PDE1A: variants seen among roughly 807,000 people sequenced by gnomAD.
The protein encoded by PDE1A is phosphodiesterase 1A, also known as dual specificity calcium/calmodulin-dependent 3',5'-cyclic nucleotide phosphodiesterase 1A.
In PDE1A, 35 loss-of-function variants were observed where a neutral mutation model predicts 61.7. The ratio of observed to expected loss-of-function variants is 0.57; its 90% CI spans 0.43 to 0.75. PDE1A has a LOEUF of 0.75. PDE1A is among the 30% of genes least tolerant of loss of function. The pLI, the probability that PDE1A is intolerant of heterozygous loss-of-function variation, is 0.00. For synonymous variants in PDE1A, 232 were observed against 213.2 expected, an observed-to-expected ratio of 1.09 and a Z score of -0.77; for missense variants, 597 against 630.6, an observed-to-expected ratio of 0.95 and a Z score of 0.57.
chr2:182,536,604 A>G, the PDE1A span, among the ~76,000 whole-genome samples: 1 of 152,218 alleles, frequency 6.6e-6, no homozygotes, highest in Non-Finnish European at 1.5e-5. Flanking sequence ...CACTGGAGAA[A>G]GAAAAAGGAA....
the PDE1A span, among the ~76,000 whole-genome samples, chr2:182,543,062 A>G: frequency 1.3e-5 from 2 of 152,134 alleles, no homozygotes; most frequent in Admixed American, 6.5e-5. Context: ...CAGCTGCTCT[A>G]TTTCCCTGAA....
the PDE1A span, among the ~76,000 whole-genome samples, chr2:182,612,009 T>C: frequency 2.6e-5 from 4 of 152,198 alleles, no homozygotes; most frequent in East Asian, 7.7e-4. Flanking sequence ...CTCCATTTTT[T>C]CCAGGTGCCC....
chr2:182,483,296 T>C (rs1018398559), intron 2 of PDE1A, among the ~76,000 whole-genome samples: 1 of 151,852 alleles, frequency 6.6e-6, no homozygotes, highest in African/African-American at 2.4e-5. Context: ...AATAAAGGGG[T>C]ATAGAAGACT....
At chr2:182,198,248 A>G (rs1181249623) in intron 10 of PDE1A, among the ~76,000 whole-genome samples, 1 of 151,950 alleles carries the variant, frequency 6.6e-6, no homozygotes, top group African/African-American at 2.4e-5. Context: ...AAACTCATTT[A>G]TTAATTCTAG....
exon 3 of PDE1A, chr2:182,240,219 A>G (rs1421837885): frequency 6.2e-7 from 1 of 1,613,836 alleles, no homozygotes. Flanking sequence ...GTAGAAGCCA[A>G]CCAGTCCCGG....
chr2:182,515,940 GTGTGTGTGTGTTTC>G, intron 2 of PDE1A, among the ~76,000 whole-genome samples: 2 of 119,710 alleles, frequency 1.7e-5, no homozygotes, highest in Middle Eastern at 8.5e-3. Context: ...GGGATTGTGC[GTGTGTGTGTGTTTC>G]TGTGTGTGTG....
chr2:182,627,044 T>A, the PDE1A span, among the ~76,000 whole-genome samples: 1 of 4,216 alleles, frequency 2.4e-4, no homozygotes, highest in Non-Finnish European at 4.1e-4. Flanking sequence ...ATATATATTA[T>A]TTATATATAA....
chr2:182,418,041 A>G (rs1339869693), intron 1 of PDE1A, among the ~76,000 whole-genome samples: 1 of 152,212 alleles, frequency 6.6e-6, no homozygotes, highest in African/African-American at 2.4e-5. Flanking sequence ...AAAAATTTTA[A>G]GATAATAAAT....
chr2:182,649,770 C>T, the PDE1A span, among the ~76,000 whole-genome samples: 19 of 152,116 alleles, frequency 1.2e-4, no homozygotes, highest in Admixed American at 2.6e-4. Flanking sequence ...CCACCACGTC[C>T]GGCTAATTTT....
chr2:182,556,545 T>C, the PDE1A span, among the ~76,000 whole-genome samples: 1 of 152,200 alleles, frequency 6.6e-6, no homozygotes, highest in Admixed American at 6.5e-5. Context: ...ACAAGGAAGC[T>C]AACCCTCCTG....
At chr2:182,327,405 A>G (rs1454453900) in intron 1 of PDE1A, among the ~76,000 whole-genome samples, 1 of 152,238 alleles carries the variant, frequency 6.6e-6, no homozygotes, top group African/African-American at 2.4e-5. Flanking sequence ...AAATCCCTCA[A>G]ATAGGAATAT....
the PDE1A span, among the ~76,000 whole-genome samples, chr2:182,565,976 G>C: frequency 6.6e-6 from 1 of 152,158 alleles, no homozygotes; most frequent in Non-Finnish European, 1.5e-5. Flanking sequence ...GAGTGACTTG[G>C]ATCAGACATG....
At chr2:182,342,332 G>A (rs1363373595) in intron 1 of PDE1A, among the ~76,000 whole-genome samples, 1 of 152,024 alleles carries the variant, frequency 6.6e-6, no homozygotes, top group Non-Finnish European at 1.5e-5. Flanking sequence ...AGGTAAGCAC[G>A]TGTCATGAAG....
At chr2:182,563,034 G>T in the PDE1A span, among the ~76,000 whole-genome samples, 1 of 152,090 alleles carries the variant, frequency 6.6e-6, no homozygotes, top group African/African-American at 2.4e-5. Context: ...TTTTTGAAGG[G>T]TTTTTTGTGT....
chr2:182,387,934 A>G lies in PDE1A; in HGVS notation c.53+38644T>C, dbSNP rs563041468. Among the ~76,000 whole-genome samples the G allele has an allele frequency of 2.0e-5, 3 of 152,310 alleles. No individual in the cohort carries two copies. In the South Asian group the frequency reaches 6.2e-4, roughly 32 times the overall value. On this transcript the variant is annotated intron_variant, in intron 1 of 13. Transcript: ENST00000351439. ...AAAAAGACCCAAGTATATGCTGCCT[A>G]CCGCATACTTCAACTGTAAGGAAAC... is the stretch of plus-strand genomic sequence containing the variant.
At chr2:182,324,135 AT>A (rs1261155788) in intron 1 of PDE1A, among the ~76,000 whole-genome samples, 2 of 152,150 alleles carry the variant, frequency 1.3e-5, no homozygotes, top group African/African-American at 4.8e-5. Flanking sequence ...TATATGCTTC[AT>A]TTCATTTGAA....
In PDE1A at chr2:182,516,701, G is replaced by GAA. The variant is rs1206551722; in HGVS notation, c.101+5574_101+5575insTT. ...GGAGGGAAGGAGGGAAGGGAGGAAG[G>GAA]GAGGAAGGAAGGAAGGAAGGAAGGA... On this transcript the variant is annotated intron_variant, in intron 2 of 14. Coordinates refer to the PDE1A transcript ENST00000410103. 6.6e-4 allele frequency among the ~76,000 whole-genome samples: 67 copies of GAA among 101,118 alleles called. 1 individual carries two copies. The South Asian group carries it at 0.013, about 19-fold the overall frequency. The allele number at this position is 101,118 out of a possible 152,430, so 66.3% of individuals were successfully genotyped here.
At chr2:182,648,536 T>TAAAAAAAAAAAAAAAAAAAAAAA in the PDE1A span, among the ~76,000 whole-genome samples, 22 of 92,204 alleles carry the variant, frequency 2.4e-4, no homozygotes, top group African/African-American at 3.4e-4. Context: ...AAAAAAAAAT[T>TAAAAAAAAAAAAAAAAAAAAAAA]AAAAAAATTA....
At chr2:182,694,162 T>G in the PDE1A span, among the ~76,000 whole-genome samples, 2 of 152,216 alleles carry the variant, frequency 1.3e-5, no homozygotes, top group Non-Finnish European at 2.9e-5. Context: ...GTATGTGGTG[T>G]GAATAGAGAC....
Sources: gnomAD v4.1 joint callset for allele counts (sites outside exome capture counted in the v4.1 genomes callset) on GRCh38, gnomAD v4.1.1 for gene constraint, MANE v1.5 for transcripts, NCBI Gene and HGNC (gene_info 2026-07-23, HGNC 2026-07-21) for gene names.